The following LGSN variants were observed in gnomAD, a reference collection of about 807,000 sequenced individuals.
LGSN encodes lengsin.
A neutral mutation model predicts 19.5 loss-of-function variants in LGSN; 21 were observed. The ratio of observed to expected loss-of-function variants is 1.07; its 90% CI spans 0.76 to 1.55. The LOEUF is 1.55. LGSN is among the 40% of genes most tolerant of loss of function. The pLI, the probability that LGSN is intolerant of heterozygous loss-of-function variation, is 0.00. For synonymous variants in LGSN, 257 were observed against 215.6 expected, an observed-to-expected ratio of 1.19 and a Z score of -1.68; for missense variants, 673 against 608.5, an observed-to-expected ratio of 1.11 and a Z score of -1.12.
the LGSN span, among the ~76,000 whole-genome samples, chr6:63,445,086 G>A: frequency 1.3e-4 from 20 of 152,182 alleles, no homozygotes; most frequent in African/African-American, 3.9e-4. Context: ...CGAGGTGGGC[G>A]GATCACCTGA....
chr6:63,424,145 A>G, the LGSN span, among the ~76,000 whole-genome samples: 1 of 152,214 alleles, frequency 6.6e-6, no homozygotes, highest in South Asian at 2.1e-4. Context: ...AATAGGGGAT[A>G]TCACTACAGA....
chr6:63,443,883 G>C, the LGSN span, among the ~76,000 whole-genome samples: 1 of 150,280 alleles, frequency 6.7e-6, no homozygotes, highest in Non-Finnish European at 1.5e-5. Flanking sequence ...GCTGTGTAAA[G>C]GCTCATTTCT....
chr6:63,348,660 T>C, the LGSN span, among the ~76,000 whole-genome samples: 116,031 of 151,726 alleles, frequency 0.76, 45,352 homozygotes, highest in African/African-American at 0.92. Context: ...CAGTAATCTG[T>C]GTTTGGTAGG....
chr6:63,408,535 T>C, the LGSN span, among the ~76,000 whole-genome samples: 9 of 147,366 alleles, frequency 6.1e-5, no homozygotes, highest in Non-Finnish European at 1.2e-4. Flanking sequence ...TAATTCAAGA[T>C]GGATTAAAGA....
chr6:63,308,714 T>C (rs1768500670), intron 1 of LGSN, among the ~76,000 whole-genome samples: 1 of 152,070 alleles, frequency 6.6e-6, no homozygotes, highest in Non-Finnish European at 1.5e-5. Context: ...ATGAGAGAGG[T>C]GCATGAAAAC....
the LGSN span, among the ~76,000 whole-genome samples, chr6:63,366,202 C>T: frequency 6.6e-6 from 1 of 152,150 alleles, no homozygotes; most frequent in African/African-American, 2.4e-5. Context: ...ATCGTCTCAG[C>T]CTAAAATCTC....
the LGSN span, among the ~76,000 whole-genome samples, chr6:63,429,553 C>T: frequency 1.3e-5 from 2 of 151,874 alleles, no homozygotes; most frequent in Admixed American, 6.6e-5. Flanking sequence ...CTGGCCAGCA[C>T]GGTGAAACCC....
At chr6:63,562,732 A>C in the LGSN span, among the ~76,000 whole-genome samples, 1 of 152,226 alleles carries the variant, frequency 6.6e-6, no homozygotes, top group African/African-American at 2.4e-5. Flanking sequence ...TGTTCTCTTA[A>C]TACCTAAATA....
chr6:63,435,175 G>T, the LGSN span, among the ~76,000 whole-genome samples: 1 of 152,098 alleles, frequency 6.6e-6, no homozygotes, highest in Admixed American at 6.6e-5. Flanking sequence ...AGATAAGTGT[G>T]GCATCAAAGG....
At chr6:63,339,792 T>C in the LGSN span, among the ~76,000 whole-genome samples, 1 of 152,186 alleles carries the variant, frequency 6.6e-6, no homozygotes, top group Admixed American at 6.5e-5. Context: ...GATTTGGTGG[T>C]TTTCTGTAAT....
the LGSN span, among the ~76,000 whole-genome samples, chr6:63,362,895 C>G: frequency 6.6e-6 from 1 of 152,354 alleles, no homozygotes. Flanking sequence ...GACAGACTGC[C>G]TCCTCAAGTG....
chr6:63,323,590 A>G (rs973953780), upstream of LGSN, among the ~76,000 whole-genome samples: 1 of 150,950 alleles, frequency 6.6e-6, no homozygotes, highest in African/African-American at 2.4e-5. Flanking sequence ...ACACACACAC[A>G]CACACACACA....
the LGSN span, among the ~76,000 whole-genome samples, chr6:63,445,696 A>G: frequency 6.6e-6 from 1 of 152,224 alleles, no homozygotes; most frequent in Non-Finnish European, 1.5e-5. Flanking sequence ...TACCTTCAAT[A>G]TCAGCATAGA....
intron 2 of LGSN, among the ~76,000 whole-genome samples, chr6:63,291,207 G>A (rs1767752507): frequency 6.6e-6 from 1 of 152,166 alleles, no homozygotes; most frequent in Non-Finnish European, 1.5e-5. Flanking sequence ...GCAGTGTTTA[G>A]GGGTGTTACC....
At chr6:63,341,916 T>C in the LGSN span, among the ~76,000 whole-genome samples, 1 of 152,190 alleles carries the variant, frequency 6.6e-6, no homozygotes, top group African/African-American at 2.4e-5. Context: ...ATGTGTGTCC[T>C]CTGTTCAACC....
the LGSN span, among the ~76,000 whole-genome samples, chr6:63,420,605 T>G: frequency 2.0e-5 from 3 of 152,228 alleles, no homozygotes; most frequent in African/African-American, 7.2e-5. Flanking sequence ...ATTCACAGAC[T>G]ACCTGGCAGT....
intron 1 of LGSN, among the ~76,000 whole-genome samples, chr6:63,306,786 T>C (rs976862366): frequency 3.3e-5 from 5 of 152,022 alleles, no homozygotes; most frequent in Non-Finnish European, 7.4e-5. Flanking sequence ...AACACAGGAG[T>C]CCAGACAATT....
chr6:63,458,674 G>T, the LGSN span, among the ~76,000 whole-genome samples: 3 of 152,088 alleles, frequency 2.0e-5, no homozygotes, highest in African/African-American at 7.2e-5. Flanking sequence ...CTGGGTTCTC[G>T]CTAGGGACCT....
chr6:63,451,120 A>C, the LGSN span, among the ~76,000 whole-genome samples: 9,556 of 152,300 alleles, frequency 0.063, 886 homozygotes, highest in African/African-American at 0.2. Flanking sequence ...TAAATGAAAA[A>C]AATCATACAC....
Sources: gnomAD v4.1 joint callset for allele counts (sites outside exome capture counted in the v4.1 genomes callset) on GRCh38, gnomAD v4.1.1 for gene constraint, MANE v1.5 for transcripts, NCBI Gene and HGNC (gene_info 2026-07-23, HGNC 2026-07-21) for gene names.